Variants in TSHZ2 observed in about 807,000 individuals in gnomAD.
TSHZ2 encodes teashirt zinc finger homeobox 2, also known as teashirt homolog 2.
Under a neutral mutation model 74.4 loss-of-function variants are expected in TSHZ2, and 21 were observed. The ratio of observed to expected loss-of-function variants is 0.28; its 90% CI spans 0.20 to 0.41. TSHZ2 has a LOEUF of 0.41. Among genes scored for constraint, TSHZ2 ranks in the 10% least tolerant of loss-of-function variants. TSHZ2 has a pLI of 1.00. For synonymous variants in TSHZ2, 540 were observed against 515.3 expected, an observed-to-expected ratio of 1.05 and a Z score of -0.65; for missense variants, 1,244 against 1,293.5, an observed-to-expected ratio of 0.96 and a Z score of 0.59.
chr20:53,295,249 G>C (rs1403032071), intron 2 of TSHZ2, among the ~76,000 whole-genome samples: 1 of 152,106 alleles, frequency 6.6e-6, no homozygotes, highest in Non-Finnish European at 1.5e-5. Flanking sequence ...TTTGCGTTCT[G>C]TGGTCCAAAA....
rs370869892 is a variant in TSHZ2 at position 53,039,882 on chromosome 20, C to T, written c.40+66549C>T. The stretch of plus-strand genomic sequence containing the variant: ...CAGCACTTTGGGAGGCCAAAGTGGG[C>T]GGATCACAAGGCCAGGAGATTGAGA... On this transcript the variant is annotated intron_variant, in intron 1 of 2. Transcript: ENST00000371497. Among the ~76,000 whole-genome samples the T allele has an allele frequency of 2.0e-4, 31 of 152,008 alleles. 1 individual carries two copies. Among genetic ancestry groups the T allele is most frequent in the African/African-American group, 6.8e-4 (28 of 41,450 alleles).
rs1219204394 is a variant in TSHZ2 at position 53,433,504 on chromosome 20, G to A, written c.*9-53640G>A. Among the ~76,000 whole-genome samples the A allele has an allele frequency of 2.0e-5, 3 of 151,892 alleles. No homozygotes were observed. In the East Asian group the frequency reaches 5.8e-4, roughly 29 times the overall value. ...TGCAGTGAGCTATGTTCATGCCACT[G>A]CACTCCAGCTTGGGCAATAAAGCAA... On this transcript the variant is annotated intron_variant, in intron 2 of 2. Transcript: ENST00000371497.
At chr20:53,323,591 T>G in intron 2 of TSHZ2, among the ~76,000 whole-genome samples, 1 of 131,276 alleles carries the variant, frequency 7.6e-6, no homozygotes, top group East Asian at 2.2e-4. Flanking sequence ...TTTTTTTTTT[T>G]TTTTGACAGA....
chr20:53,428,601 T>A (rs1284326842), intron 2 of TSHZ2, among the ~76,000 whole-genome samples: 1 of 152,156 alleles, frequency 6.6e-6, no homozygotes, highest in South Asian at 2.1e-4. Context: ...AATGAACTCA[T>A]TGGCATTACA....
At chr20:53,335,722 T>A (rs1182000782) in intron 2 of TSHZ2, among the ~76,000 whole-genome samples, 1 of 152,196 alleles carries the variant, frequency 6.6e-6, no homozygotes, top group Non-Finnish European at 1.5e-5. Flanking sequence ...GTTTCCTTTT[T>A]CCAATCTGGC....
intron 2 of TSHZ2, among the ~76,000 whole-genome samples, chr20:53,290,772 C>T (rs924136752): frequency 6.6e-6 from 1 of 152,180 alleles, no homozygotes; most frequent in Non-Finnish European, 1.5e-5. Context: ...TAGTCAGTGT[C>T]CACTCTCAAA....
intron 1 of TSHZ2, among the ~76,000 whole-genome samples, chr20:52,986,876 AAT>A (rs1568706208): frequency 6.6e-6 from 1 of 152,092 alleles, no homozygotes; most frequent in Non-Finnish European, 1.5e-5. Flanking sequence ...GTTTTAAAGA[AAT>A]ATTAAAAAAT....
At chr20:53,237,869 T>A (rs1989976559) in intron 1 of TSHZ2, among the ~76,000 whole-genome samples, 1 of 152,160 alleles carries the variant, frequency 6.6e-6, no homozygotes, top group African/African-American at 2.4e-5. Context: ...CACAATAGAC[T>A]ACGAGCACTG....
Position 53,009,448 on chromosome 20 carries a change from C to T in TSHZ2, c.40+36115C>T, listed in dbSNP as rs144009081. 3.2e-4 allele frequency among the ~76,000 whole-genome samples: 49 copies of T among 152,230 alleles called. 1 individual carries two copies. In the East Asian group the frequency reaches 8.7e-3, roughly 27 times the overall value. ...ATAAACCGTGTGTGCAAAGAGATGACGTGATGAAGCGGGACAGCTCAGGAT... is the reference window on the plus strand; with the variant it reads ...ATAAACCGTGTGTGCAAAGAGATGATGTGATGAAGCGGGACAGCTCAGGAT... On this transcript the variant is annotated intron_variant, in intron 1 of 2. Transcript: ENST00000371497.
At position 52,972,855 on chromosome 20, in the gene TSHZ2, G is replaced by T; in HGVS notation, c.-439G>T. The T allele has an allele frequency of 4.6e-6, 1 of 216,966 alleles. No homozygotes were observed. The highest frequency in any genetic ancestry group is 8.9e-6 in the Non-Finnish European group (1 of 112,438). 13.4% of individuals were successfully genotyped at this position (216,966 alleles called of 1,614,324 possible). On this transcript the variant is annotated 5_prime_UTR_variant, in exon 1 of 3. Transcript: ENST00000371497. ...TTTTTTTCCTTATCTTTACGCGCGAGTGTGCCTGTGGCGCGTGTGCGCCCC... is the reference window on the plus strand; with the variant it reads ...TTTTTTTCCTTATCTTTACGCGCGATTGTGCCTGTGGCGCGTGTGCGCCCC...
chr20:53,287,188 A>C (rs936423313), intron 2 of TSHZ2, among the ~76,000 whole-genome samples: 3 of 152,214 alleles, frequency 2.0e-5, no homozygotes, highest in Non-Finnish European at 4.4e-5. Context: ...AACTTTTTCA[A>C]GGAGACAAAA....
At chr20:53,341,178 G>C (rs900282153) in intron 2 of TSHZ2, among the ~76,000 whole-genome samples, 4 of 152,088 alleles carry the variant, frequency 2.6e-5, no homozygotes, top group Non-Finnish European at 4.4e-5. Context: ...GCCTCAGTTT[G>C]CTTGTCCTTG....
rs535246948 is a variant in TSHZ2, at chr20:53,185,742, A to T, written c.41-67757A>T. 6 of 1,532,300 alleles carry T rather than the reference A, an allele frequency of 3.9e-6. No individual in the cohort carries two copies. The African/African-American group carries it at 4.1e-5, about 10-fold the overall frequency. 94.9% of individuals were successfully genotyped at this position (1,532,300 alleles called of 1,614,324 possible). On this transcript the variant is annotated intron_variant, in intron 1 of 2. Coordinates refer to ENST00000371497, the MANE Select transcript of TSHZ2 (RefSeq NM_173485.6). Reference sequence around the variant, plus strand: ...ATGGCTCTATTCTCTTGCTAAATGGATGTTCAGTTGCCCTTCAACCATTTT... The same window carrying T: ...ATGGCTCTATTCTCTTGCTAAATGGTTGTTCAGTTGCCCTTCAACCATTTT...
chr20:53,377,482 G>A (rs1981698199), intron 2 of TSHZ2, among the ~76,000 whole-genome samples: 1 of 152,118 alleles, frequency 6.6e-6, no homozygotes, highest in South Asian at 2.1e-4. Context: ...TTCTTTAAAG[G>A]ACTTGATGGT....
At chr20:53,180,220 C>T (rs955876519) in intron 1 of TSHZ2, among the ~76,000 whole-genome samples, 3 of 152,150 alleles carry the variant, frequency 2.0e-5, no homozygotes, top group Non-Finnish European at 4.4e-5. Flanking sequence ...CACTGTATCT[C>T]GATAAGCACA....
chr20:53,022,820 A>G (rs1451923847), intron 1 of TSHZ2, among the ~76,000 whole-genome samples: 1 of 152,236 alleles, frequency 6.6e-6, no homozygotes, highest in Non-Finnish European at 1.5e-5. Context: ...CCTTTGTGTG[A>G]ACCTAAAGGA....
intron 1 of TSHZ2, among the ~76,000 whole-genome samples, chr20:53,192,224 G>A (rs191598826): frequency 2.0e-5 from 3 of 151,496 alleles, no homozygotes; most frequent in East Asian, 1.9e-4. Flanking sequence ...AGACATCAGC[G>A]AGATGCAAGT....
intron 1 of TSHZ2, among the ~76,000 whole-genome samples, chr20:53,045,846 G>A (rs778393852): frequency 1.1e-4 from 17 of 152,108 alleles, no homozygotes; most frequent in Non-Finnish European, 1.8e-4. Context: ...TTCCATCATC[G>A]TCATCTTTCC....
chr20:53,327,824 C>T (rs990232484), intron 2 of TSHZ2, among the ~76,000 whole-genome samples: 5 of 152,178 alleles, frequency 3.3e-5, no homozygotes, highest in African/African-American at 9.7e-5. Context: ...TGGGTGGAAA[C>T]TAGTGTAAAG....
Sources: gnomAD v4.1 joint callset for allele counts (sites outside exome capture counted in the v4.1 genomes callset) on GRCh38, gnomAD v4.1.1 for gene constraint, MANE v1.5 for transcripts, NCBI Gene and HGNC (gene_info 2026-07-23, HGNC 2026-07-21) for gene names.